LIN28B: variants seen among roughly 807,000 people sequenced by gnomAD.
The protein encoded by LIN28B is protein lin-28 homolog B.
In LIN28B, 5 loss-of-function variants were observed where a neutral mutation model predicts 21.9. The ratio of observed to expected loss-of-function variants is 0.23; its 90% confidence interval spans 0.12 to 0.48. The LOEUF is 0.48. Ranked by LOEUF, LIN28B falls within the 20% of genes least tolerant of loss-of-function variation. The pLI, the probability that LIN28B is intolerant of heterozygous loss-of-function variation, is 0.98. For synonymous variants in LIN28B, 109 were observed against 111.3 expected, an observed-to-expected ratio of 0.98 and a Z score of 0.13; for missense variants, 245 against 310.5, an observed-to-expected ratio of 0.79 and a Z score of 1.58.
chr6:105,036,634 A>G (rs897813481), intron 3 of LIN28B, among the ~76,000 whole-genome samples: 14 of 96,372 alleles, frequency 1.5e-4, no homozygotes, highest in African/African-American at 5.2e-4. Context: ...TTGGCGCTGC[A>G]TAGGTCTCCC....
At chr6:104,981,365 C>T (rs1770220810) in intron 2 of LIN28B, among the ~76,000 whole-genome samples, 1 of 152,160 alleles carries the variant, frequency 6.6e-6, no homozygotes. Flanking sequence ...TCCTGTGATC[C>T]TTGTCAGTTC....
chr6:105,037,828 C>T (rs1771556369), intron 3 of LIN28B, among the ~76,000 whole-genome samples: 1 of 151,940 alleles, frequency 6.6e-6, no homozygotes, highest in Non-Finnish European at 1.5e-5. Context: ...ACAACTTGAA[C>T]TGTTCTCATA....
At chr6:105,026,977 T>C (rs77782755) in intron 3 of LIN28B, among the ~76,000 whole-genome samples, 1 of 152,234 alleles carries the variant, frequency 6.6e-6, no homozygotes, top group African/African-American at 2.4e-5. Context: ...TTTCACCTAA[T>C]AGTATATTAT....
chr6:104,940,251 G>A (rs756075247), intron 2 of LIN28B: 39 of 168,050 alleles, frequency 2.3e-4, no homozygotes, highest in Admixed American at 9.8e-4. Context: ...CTTCAGATAT[G>A]ATTTTGTTAC....
chr6:104,997,229 C>A (rs1307561681), intron 2 of LIN28B, among the ~76,000 whole-genome samples: 1 of 145,470 alleles, frequency 6.9e-6, no homozygotes, highest in Non-Finnish European at 1.5e-5. Context: ...TGCAGTGAGC[C>A]AAGATCGCGC....
upstream of LIN28B, among the ~76,000 whole-genome samples, chr6:104,953,328 C>T (rs893604365): frequency 6.6e-6 from 1 of 152,112 alleles, no homozygotes; most frequent in Non-Finnish European, 1.5e-5. Flanking sequence ...GGTGGGGGTG[C>T]TCATTTTCTT....
intron 2 of LIN28B, among the ~76,000 whole-genome samples, chr6:104,946,251 T>G (rs1234734331): frequency 1.3e-5 from 2 of 152,144 alleles, no homozygotes; most frequent in African/African-American, 4.8e-5. Flanking sequence ...CATGTGTAAC[T>G]ATTTCTCTTA....
intron 2 of LIN28B, among the ~76,000 whole-genome samples, chr6:104,984,562 A>C (rs1770295029): frequency 6.6e-6 from 1 of 151,476 alleles, no homozygotes; most frequent in African/African-American, 2.4e-5. Flanking sequence ...CTCCCACCTG[A>C]GTCTCCCAAG....
intron 3 of LIN28B, among the ~76,000 whole-genome samples, chr6:105,053,169 C>G (rs1725234331): frequency 6.6e-6 from 1 of 151,840 alleles, no homozygotes. Flanking sequence ...TTATTTATTT[C>G]TAACTTAATT....
intron 3 of LIN28B, among the ~76,000 whole-genome samples, chr6:105,077,124 C>T (rs1015223294): frequency 1.6e-4 from 24 of 151,756 alleles, no homozygotes; most frequent in African/African-American, 5.3e-4. Context: ...TAGCTACTCC[C>T]GAGGCTGAGG....
intron 3 of LIN28B, among the ~76,000 whole-genome samples, chr6:105,050,331 G>C (rs560902261): frequency 2.0e-5 from 3 of 152,096 alleles, no homozygotes; most frequent in Admixed American, 1.3e-4. Context: ...GGCTGGGCGC[G>C]GTGGCTCACG....
intron 2 of LIN28B, among the ~76,000 whole-genome samples, chr6:104,997,706 A>G (rs1467419002): frequency 6.6e-6 from 1 of 152,206 alleles, no homozygotes; most frequent in Non-Finnish European, 1.5e-5. Context: ...TAAGAAGCTC[A>G]TACTTGTACT....
At chr6:105,015,115 G>A (rs570370573) in intron 2 of LIN28B, among the ~76,000 whole-genome samples, 2 of 152,054 alleles carry the variant, frequency 1.3e-5, no homozygotes, top group South Asian at 4.1e-4. Flanking sequence ...ACTGTAGAGG[G>A]TGGCTTATAA....
chr6:105,028,205 T>A (rs1312039404), intron 3 of LIN28B, among the ~76,000 whole-genome samples: 2 of 151,804 alleles, frequency 1.3e-5, no homozygotes, highest in Non-Finnish European at 2.9e-5. Context: ...GGGAGAATAG[T>A]GGAGGTTGAG....
At chr6:104,979,117 A>G (rs537345421) in intron 2 of LIN28B, among the ~76,000 whole-genome samples, 1 of 152,124 alleles carries the variant, frequency 6.6e-6, no homozygotes, top group South Asian at 2.1e-4. Flanking sequence ...AGGGTGTTAT[A>G]TATTGTATTG....
intron 2 of LIN28B, among the ~76,000 whole-genome samples, chr6:105,007,284 A>C (rs1770836955): frequency 1.3e-5 from 2 of 152,220 alleles, no homozygotes; most frequent in South Asian, 4.1e-4. Context: ...TATTCAAAAC[A>C]ATTGAATTTA....
At chr6:104,961,553 A>G (rs988905641) in intron 2 of LIN28B, among the ~76,000 whole-genome samples, 1 of 151,992 alleles carries the variant, frequency 6.6e-6, no homozygotes, top group Admixed American at 6.6e-5. Context: ...GGTGCCCGCC[A>G]CCACGCCTAG....
chr6:104,938,469 T>A (rs908911058), intron 2 of LIN28B, among the ~76,000 whole-genome samples: 5 of 151,964 alleles, frequency 3.3e-5, no homozygotes, highest in African/African-American at 1.2e-4. Context: ...TGAAACCCCA[T>A]CTTTACTAAA....
chr6:105,073,708 C>A (rs1772374105), intron 3 of LIN28B, among the ~76,000 whole-genome samples: 1 of 152,064 alleles, frequency 6.6e-6, no homozygotes, highest in African/African-American at 2.4e-5. Flanking sequence ...TTTAGACAAG[C>A]AAATCTGGAT....
Sources: allele counts gnomAD v4.1 joint callset (sites outside exome capture counted in the v4.1 genomes callset), GRCh38; gene constraint gnomAD v4.1.1; transcripts MANE v1.5; gene names NCBI Gene and HGNC (gene_info 2026-07-23, HGNC 2026-07-21).